The following BBX variants were observed in gnomAD, a reference collection of about 807,000 sequenced individuals.
BBX encodes HMG box transcription factor BBX.
In BBX, 30 loss-of-function variants were observed where a neutral mutation model predicts 100.2. That is an observed-to-expected ratio of 0.30 (90% confidence interval 0.22 to 0.41). The LOEUF (loss-of-function observed/expected upper bound fraction) is 0.41, where lower values mean the gene tolerates loss of function less well. Among genes scored for constraint, BBX ranks in the 10% least tolerant of loss-of-function variants. BBX has a pLI of 1.00. For missense variants in BBX, 1,023 were observed against 1,129.8 expected (o/e 0.91, Z 1.35); for synonymous variants, 376 against 388.1 (o/e 0.97, Z 0.37).
At chr3:107,700,198 A>T (rs1278403915) in intron 3 of BBX, among the ~76,000 whole-genome samples, 3 of 151,836 alleles carry the variant, frequency 2.0e-5, no homozygotes, top group Non-Finnish European at 4.4e-5. Context: ...CATCAAAGTA[A>T]CTAAAAGACT....
At chr3:107,599,314 G>C (rs1195497164) in intron 2 of BBX, 1 of 152,326 alleles carries the variant, frequency 6.6e-6, no homozygotes, top group Non-Finnish European at 1.5e-5. Flanking sequence ...GCTCTCTGCT[G>C]CTCAGATCAG....
At chr3:107,578,714 G>T (rs1008361890) in intron 2 of BBX, among the ~76,000 whole-genome samples, 4 of 152,082 alleles carry the variant, frequency 2.6e-5, no homozygotes, top group Non-Finnish European at 5.9e-5. Context: ...AGCACACTCA[G>T]CTCAAAGGGA....
chr3:107,782,448 C>T (rs1459127445), intron 13 of BBX, among the ~76,000 whole-genome samples: 1 of 151,984 alleles, frequency 6.6e-6, no homozygotes, highest in African/African-American at 2.4e-5. Flanking sequence ...AGAACCTGGG[C>T]AAAAGCCACC....
intron 13 of BBX, among the ~76,000 whole-genome samples, chr3:107,782,815 T>C (rs1011564788): frequency 2.0e-5 from 3 of 152,066 alleles, no homozygotes; most frequent in Non-Finnish European, 4.4e-5. Flanking sequence ...CCAGTTTGCA[T>C]ACCAGCAATG....
intron 2 of BBX, among the ~76,000 whole-genome samples, chr3:107,563,069 A>C (rs1435901344): frequency 6.6e-6 from 1 of 152,154 alleles, no homozygotes; most frequent in African/African-American, 2.4e-5. Flanking sequence ...TTTGGTTCAG[A>C]AGTTGTGTTA....
At chr3:107,626,852 A>G (rs1302688663) in intron 2 of BBX, among the ~76,000 whole-genome samples, 1 of 151,924 alleles carries the variant, frequency 6.6e-6, no homozygotes. Context: ...ATGGGGTTTC[A>G]TCAAATTTGC....
chr3:107,763,625 C>T (rs1488518728), intron 10 of BBX, among the ~76,000 whole-genome samples: 3 of 152,154 alleles, frequency 2.0e-5, no homozygotes. Context: ...AATATAATCC[C>T]TTTACTACAC....
chr3:107,656,977 A>G (rs2058180900), intron 3 of BBX: 1 of 152,234 alleles, frequency 6.6e-6, no homozygotes, highest in Admixed American at 6.5e-5. Flanking sequence ...ATGTAAAGTT[A>G]CGGTGGGAAA....
chr3:107,754,577 A>C (rs2065328547), intron 9 of BBX, among the ~76,000 whole-genome samples: 1 of 152,206 alleles, frequency 6.6e-6, no homozygotes, highest in African/African-American at 2.4e-5. Context: ...ATTCTAGGGA[A>C]AATTTCTTCT....
chr3:107,686,406 G>A (rs1199542689), intron 3 of BBX, among the ~76,000 whole-genome samples: 2 of 151,212 alleles, frequency 1.3e-5, no homozygotes, highest in Non-Finnish European at 2.9e-5. Context: ...AGAGCTGTCT[G>A]TGTTTTTTGT....
chr3:107,702,064 G>T (rs1045887765), intron 3 of BBX, among the ~76,000 whole-genome samples: 10 of 152,202 alleles, frequency 6.6e-5, no homozygotes, highest in South Asian at 2.1e-4. Flanking sequence ...AAGTGATAAA[G>T]CACTTAGGAC....
At chr3:107,557,017 A>AT (rs1023426262) in intron 2 of BBX, among the ~76,000 whole-genome samples, 1 of 152,186 alleles carries the variant, frequency 6.6e-6, no homozygotes, top group Admixed American at 6.5e-5. Context: ...TTGATTTTTG[A>AT]TTTTTTAAAA....
chr3:107,779,525 G>A (rs1427047740), intron 13 of BBX, among the ~76,000 whole-genome samples: 1 of 152,082 alleles, frequency 6.6e-6, no homozygotes, highest in African/African-American at 2.4e-5. Flanking sequence ...TCAGACTCTA[G>A]CAGGATTTGC....
At chr3:107,564,536 G>T (rs761693125) in intron 2 of BBX, among the ~76,000 whole-genome samples, 1 of 152,102 alleles carries the variant, frequency 6.6e-6, no homozygotes, top group African/African-American at 2.4e-5. Context: ...TATTGTTAAT[G>T]TTGTGAGATG....
At chr3:107,533,275 T>C (rs1269484870) in intron 2 of BBX, among the ~76,000 whole-genome samples, 2 of 152,212 alleles carry the variant, frequency 1.3e-5, no homozygotes, top group Non-Finnish European at 2.9e-5. Flanking sequence ...TGCATTAACT[T>C]CCTTGGTTGG....
At chr3:107,655,511 ATTT>A (rs35368803) in intron 3 of BBX, among the ~76,000 whole-genome samples, 3 of 117,596 alleles carry the variant, frequency 2.6e-5, no homozygotes, top group Admixed American at 1.9e-4. Context: ...ATGATAATTA[ATTT>A]TTTTTTTTTT....
chr3:107,736,822 G>C (rs186121226), intron 7 of BBX, among the ~76,000 whole-genome samples: 10 of 152,182 alleles, frequency 6.6e-5, no homozygotes, highest in Non-Finnish European at 1.3e-4. Context: ...ATTCATCTTG[G>C]CTAGAACAGA....
chr3:107,685,401 A>G (rs1190445515), intron 3 of BBX, among the ~76,000 whole-genome samples: 3 of 152,228 alleles, frequency 2.0e-5, no homozygotes, highest in African/African-American at 7.2e-5. Flanking sequence ...TCACACTTGA[A>G]TAGCCTTAAC....
intron 3 of BBX, among the ~76,000 whole-genome samples, chr3:107,666,047 GTTAT>G (rs1257466715): frequency 6.6e-6 from 1 of 152,178 alleles, no homozygotes; most frequent in Non-Finnish European, 1.5e-5. Context: ...CTTTCAAGGA[GTTAT>G]TTGACTCCAG....
Sources: gnomAD v4.1 joint callset for allele counts (sites outside exome capture counted in the v4.1 genomes callset) on GRCh38, gnomAD v4.1.1 for gene constraint, MANE v1.5 for transcripts, NCBI Gene and HGNC (gene_info 2026-07-23, HGNC 2026-07-21) for gene names.